The following HP1BP3 variants were observed in gnomAD, a reference collection of about 807,000 sequenced individuals.
HP1BP3 encodes the protein heterochromatin protein 1 binding protein 3.
In HP1BP3, 12 loss-of-function variants were observed where a neutral mutation model predicts 62.5. That is an observed-to-expected ratio of 0.19 (90% confidence interval 0.12 to 0.31). HP1BP3 has a LOEUF of 0.31. Ranked by LOEUF, HP1BP3 falls within the 10% of genes least tolerant of loss-of-function variation. HP1BP3 has a pLI of 1.00. For missense variants in HP1BP3, 502 were observed against 651.8 expected (o/e 0.77, Z 2.50); for synonymous variants, 260 against 237.8 (o/e 1.09, Z -0.86).
At chr1:20,768,762 C>T (rs2056911343) in intron 6 of HP1BP3, among the ~76,000 whole-genome samples, 1 of 152,096 alleles carries the variant, frequency 6.6e-6, no homozygotes, top group African/African-American at 2.4e-5. Flanking sequence ...ATTGCTTGAA[C>T]ACGGGAGGCA....
intron 8 of HP1BP3, among the ~76,000 whole-genome samples, chr1:20,762,001 A>G (rs1355563687): frequency 2.0e-5 from 3 of 152,212 alleles, no homozygotes; most frequent in African/African-American, 4.8e-5. Context: ...TGGTGGGGAT[A>G]AAGTCTGACT....
At chr1:20,746,186 A>ATATATGTGTGTGTG (rs1286650893) in intron 11 of HP1BP3, among the ~76,000 whole-genome samples, 29 of 143,248 alleles carry the variant, frequency 2.0e-4, no homozygotes, top group African/African-American at 7.5e-4. Context: ...ACATACATAT[A>ATATATGTGTGTGTG]TGTGTGTGTG....
chr1:20,773,744 T>TAA, intron 4 of HP1BP3, 134 bp from the exon 5 acceptor site: 1 of 540,068 alleles, frequency 1.9e-6, no homozygotes, highest in Non-Finnish European at 3.0e-6. Flanking sequence ...ACATGTACCA[T>TAA]AAGCAAAATT....
intron 10 of HP1BP3, among the ~76,000 whole-genome samples, chr1:20,749,382 T>C (rs182718346): frequency 6.7e-6 from 1 of 149,816 alleles, no homozygotes; most frequent in African/African-American, 2.5e-5. Flanking sequence ...TTTTGATACA[T>C]AGTCTCGCAA....
intron 1 of HP1BP3, among the ~76,000 whole-genome samples, chr1:20,783,675 C>T (rs1261217466): frequency 7.1e-6 from 1 of 140,738 alleles, no homozygotes; most frequent in African/African-American, 2.7e-5. Flanking sequence ...GAGGCTCAGG[C>T]AGGAGAATCA....
At chr1:20,786,598 C>G (rs1241625077) in intron 1 of HP1BP3, 1 of 152,314 alleles carries the variant, frequency 6.6e-6, no homozygotes, top group African/African-American at 2.4e-5. Flanking sequence ...GCGCCCGCCC[C>G]GGCGACGGAA....
At chr1:20,767,115 C>CA (rs1372620557) in intron 7 of HP1BP3, among the ~76,000 whole-genome samples, 1 of 151,900 alleles carries the variant, frequency 6.6e-6, no homozygotes, top group Admixed American at 6.6e-5. Flanking sequence ...GTCAAGAGTT[C>CA]AAGACCAGCC....
At chr1:20,758,369 G>C (rs1309443255) in intron 8 of HP1BP3, among the ~76,000 whole-genome samples, 1 of 150,490 alleles carries the variant, frequency 6.6e-6, no homozygotes, top group Non-Finnish European at 1.5e-5. Context: ...TTTTTGAGAC[G>C]CATTCTCCCT....
intron 5 of HP1BP3, 124 bp from the exon 6 acceptor site, chr1:20,771,197 A>C: frequency 3.0e-6 from 2 of 676,848 alleles, no homozygotes; most frequent in Non-Finnish European, 5.0e-6. Flanking sequence ...GGAAGAATGA[A>C]CTTCAGAAGA....
intron 8 of HP1BP3, among the ~76,000 whole-genome samples, chr1:20,758,686 C>T (rs1321210774): frequency 2.7e-5 from 4 of 148,464 alleles, no homozygotes; most frequent in Non-Finnish European, 4.5e-5. Flanking sequence ...CACTGTGTCA[C>T]TCTGGATGGA....
At chr1:20,747,107 C>T (rs1017015537) in intron 11 of HP1BP3, among the ~76,000 whole-genome samples, 18 of 152,130 alleles carry the variant, frequency 1.2e-4, no homozygotes, top group African/African-American at 2.2e-4. Context: ...AATGACCATC[C>T]GAGGATCTCA....
chr1:20,750,819 T>C (rs898019072), intron 9 of HP1BP3, among the ~76,000 whole-genome samples: 3 of 144,462 alleles, frequency 2.1e-5, no homozygotes, highest in Non-Finnish European at 4.6e-5. Flanking sequence ...TTTCTCTCTT[T>C]TTTTTTTTTT....
chr1:20,776,159 T>G (rs886184467), intron 4 of HP1BP3: 8 of 646,500 alleles, frequency 1.2e-5, no homozygotes, highest in Non-Finnish European at 2.4e-6. Flanking sequence ...TAGGTCACAC[T>G]ACCAATGGCT....
chr1:20,770,730 GA>G (rs1450090535), intron 6 of HP1BP3, among the ~76,000 whole-genome samples, 199 bp downstream of exon 6: 3 of 152,084 alleles, frequency 2.0e-5, no homozygotes, highest in East Asian at 1.9e-4. Flanking sequence ...AAGTAAGCTA[GA>G]AAAAAGTTAC....
intron 7 of HP1BP3, among the ~76,000 whole-genome samples, chr1:20,766,652 T>C (rs1439421692): frequency 6.6e-6 from 1 of 152,166 alleles, no homozygotes; most frequent in African/African-American, 2.4e-5. Flanking sequence ...AAAATGTACT[T>C]TTAGGCTGGG....
chr1:20,770,136 A>C (rs1423864745), intron 6 of HP1BP3, among the ~76,000 whole-genome samples: 21 of 152,184 alleles, frequency 1.4e-4, no homozygotes, highest in Admixed American at 1.4e-3. Flanking sequence ...CCTGAAATCA[A>C]CATTTGTTCT....
intron 5 of HP1BP3, among the ~76,000 whole-genome samples, chr1:20,772,542 G>C (rs1312112334): frequency 6.6e-6 from 1 of 151,870 alleles, no homozygotes; most frequent in Non-Finnish European, 1.5e-5. Flanking sequence ...GGAGTAAAGG[G>C]AGAAGTCTGA....
chr1:20,779,146 G>A (rs979760479), intron 3 of HP1BP3, among the ~76,000 whole-genome samples: 3 of 151,954 alleles, frequency 2.0e-5, no homozygotes, highest in Non-Finnish European at 2.9e-5. Flanking sequence ...CCACAACAGA[G>A]GCAGCACAGT....
At chr1:20,779,985 T>C in intron 2 of HP1BP3, 74 bp from the exon 3 acceptor site, 1 of 1,124,064 alleles carries the variant, frequency 8.9e-7, no homozygotes, top group Non-Finnish European at 1.3e-6. Context: ...AGGGCCTAAC[T>C]GGGTGTCAGA....
Sources: allele counts gnomAD v4.1 joint callset (sites outside exome capture counted in the v4.1 genomes callset), GRCh38; gene constraint gnomAD v4.1.1; transcripts MANE v1.5; gene names NCBI Gene and HGNC (gene_info 2026-07-23, HGNC 2026-07-21).